The following EPHA3 variants were observed in gnomAD, a reference collection of about 807,000 sequenced individuals.
The protein encoded by EPHA3 is EPH receptor A3, also known as ephrin type-A receptor 3.
In EPHA3, 42 loss-of-function variants were observed where a neutral mutation model predicts 107.1. The ratio of observed to expected loss-of-function variants is 0.39; its 90% CI spans 0.31 to 0.51. EPHA3 has a LOEUF of 0.51. Among genes scored for constraint, EPHA3 ranks in the 20% least tolerant of loss-of-function variants. EPHA3 has a pLI of 0.78. For missense variants in EPHA3, 1,183 were observed against 1,211.2 expected (o/e 0.98, Z 0.35); for synonymous variants, 461 against 424.8 (o/e 1.09, Z -1.05).
chr3:89,119,213 G>A (rs1269783439), intron 1 of EPHA3, among the ~76,000 whole-genome samples: 1 of 152,008 alleles, frequency 6.6e-6, no homozygotes, highest in East Asian at 1.9e-4. Flanking sequence ...TACATTACAT[G>A]TGAGTGCATG....
chr3:89,410,812 C>A (rs996372616), intron 9 of EPHA3, among the ~76,000 whole-genome samples: 4 of 151,824 alleles, frequency 2.6e-5, no homozygotes, highest in African/African-American at 9.7e-5. Flanking sequence ...TTTCCTTAAT[C>A]TTAAAGAAGT....
At chr3:89,223,337 G>A (rs1232990837) in intron 3 of EPHA3, among the ~76,000 whole-genome samples, 2 of 152,114 alleles carry the variant, frequency 1.3e-5, no homozygotes, top group Non-Finnish European at 2.9e-5. Flanking sequence ...GTTGATGGTT[G>A]CTCTTATTAG....
chr3:89,211,820 CCTT>C (rs35975845), intron 3 of EPHA3, among the ~76,000 whole-genome samples: 1 of 95,428 alleles, frequency 1.0e-5, no homozygotes, highest in Admixed American at 9.9e-5. Context: ...TTCTTCTTCT[CCTT>C]CTCCTCCTCC....
At chr3:89,244,315 G>A (rs1704979889) in intron 3 of EPHA3, among the ~76,000 whole-genome samples, 1 of 151,952 alleles carries the variant, frequency 6.6e-6, no homozygotes, top group Admixed American at 6.6e-5. Flanking sequence ...TGTTGCTTAT[G>A]TGTTTAAACT....
intron 3 of EPHA3, among the ~76,000 whole-genome samples, chr3:89,305,088 T>C (rs1056895049): frequency 2.0e-5 from 3 of 152,202 alleles, no homozygotes; most frequent in Non-Finnish European, 4.4e-5. Flanking sequence ...GATCCATGAA[T>C]ATCTCCTGCA....
At chr3:89,370,582 C>T (rs1708280643) in intron 5 of EPHA3, among the ~76,000 whole-genome samples, 1 of 151,704 alleles carries the variant, frequency 6.6e-6, no homozygotes, top group African/African-American at 2.4e-5. Flanking sequence ...TGGTGCAGCA[C>T]ACCAGCATGG....
chr3:89,429,157 G>C lies in EPHA3; in HGVS notation c.2126G>C (p.Ser709Thr). Residue 709 changes from serine to threonine, a missense_variant, in exon 12 of 17, where the codon AGT (serine) becomes ACT (threonine). Ser to Thr is a moderately conservative substitution (Grantham distance 58). Coordinates refer to ENST00000336596, the MANE Select transcript of EPHA3 (RefSeq NM_005233.6). The stretch of plus-strand genomic sequence containing the variant: ...TACATGGAGAATGGTTCCTTGGATA[G>C]TTTCCTACGTGTAAGTAAGATGCAC... ...TEYMENGSLD[S>T]FLRKHDAQFT... 2 of 1,610,566 alleles carry C rather than the reference G, an allele frequency of 1.2e-6. No individual in the cohort carries two copies. The highest frequency in any genetic ancestry group is 1.1e-5 in the South Asian group (1 of 90,926).
chr3:89,363,762 C>A (rs1241006722), intron 5 of EPHA3, among the ~76,000 whole-genome samples: 1 of 150,550 alleles, frequency 6.6e-6, no homozygotes, highest in East Asian at 2.0e-4. Context: ...AAAGAAATGT[C>A]AAGATAAATT....
intron 3 of EPHA3, among the ~76,000 whole-genome samples, chr3:89,305,052 CTG>C (rs1229726571): frequency 3.9e-5 from 6 of 152,126 alleles, no homozygotes; most frequent in Admixed American, 6.6e-5. Context: ...TTATTTAAGA[CTG>C]TGTTGGCATA....
intron 2 of EPHA3, among the ~76,000 whole-genome samples, chr3:89,195,974 T>C (rs896424123): frequency 6.6e-6 from 1 of 152,112 alleles, no homozygotes; most frequent in Non-Finnish European, 1.5e-5. Flanking sequence ...AAGTAAAACT[T>C]GTCAGTCTTC....
intron 2 of EPHA3, among the ~76,000 whole-genome samples, chr3:89,199,370 T>C (rs1265692550): frequency 6.6e-6 from 1 of 152,190 alleles, no homozygotes; most frequent in African/African-American, 2.4e-5. Context: ...ACCTTTACAA[T>C]GCAAATTATA....
chr3:89,443,893 G>T (rs1203515021), intron 13 of EPHA3, among the ~76,000 whole-genome samples: 1 of 151,982 alleles, frequency 6.6e-6, no homozygotes, highest in Non-Finnish European at 1.5e-5. Context: ...GTTCAGATAA[G>T]AACTTTACCC....
In EPHA3 at chr3:89,359,814, T is replaced by G. The variant is rs1278169092; in HGVS notation, c.1306+17724T>G. The stretch of plus-strand genomic sequence containing the variant: ...ATACATATATACACATATATATACA[T>G]ATATATACATATATATATACATATA... On this transcript the variant is annotated intron_variant, in intron 5 of 16. Transcript: ENST00000336596. Among the ~76,000 whole-genome samples the G allele has an allele frequency of 2.1e-5, 3 of 143,494 alleles. No homozygotes were observed. The East Asian group carries it at 5.9e-4, about 28-fold the overall frequency. The allele number at this position is 143,494 out of a possible 152,430, so 94.1% of individuals were successfully genotyped here. A position where few individuals can be genotyped will look rare whatever the true frequency, so the allele number is the denominator to read the frequency against.
At chr3:89,197,537 A>G (rs537236979) in intron 2 of EPHA3, among the ~76,000 whole-genome samples, 12 of 152,322 alleles carry the variant, frequency 7.9e-5, no homozygotes, top group Non-Finnish European at 1.3e-4. Context: ...TTTAAAAAAG[A>G]TAATAGTGAA....
intron 5 of EPHA3, among the ~76,000 whole-genome samples, chr3:89,367,887 G>A (rs572871163): frequency 2.7e-5 from 4 of 150,648 alleles, no homozygotes; most frequent in East Asian, 2.0e-4. Context: ...CTACAGAATC[G>A]TTTATCTGTA....
chr3:89,397,580 C>CTT (rs35334618), intron 6 of EPHA3, among the ~76,000 whole-genome samples: 45 of 131,090 alleles, frequency 3.4e-4, no homozygotes, highest in East Asian at 4.3e-4. Flanking sequence ...GCATCATTGC[C>CTT]TTTTTTTTTT....
intron 5 of EPHA3, among the ~76,000 whole-genome samples, chr3:89,364,804 T>C (rs1708157594): frequency 6.6e-6 from 1 of 151,078 alleles, no homozygotes; most frequent in Non-Finnish European, 1.5e-5. Context: ...ACAGAGATTG[T>C]ACTTAAAACT....
intron 5 of EPHA3, among the ~76,000 whole-genome samples, chr3:89,356,618 A>G (rs1576333131): frequency 6.6e-6 from 1 of 151,240 alleles, no homozygotes; most frequent in African/African-American, 2.4e-5. Context: ...ATAATGCGTG[A>G]CAATCCTCAA....
At chr3:89,437,107 G>A (rs1213518642) in intron 13 of EPHA3, among the ~76,000 whole-genome samples, 3 of 152,076 alleles carry the variant, frequency 2.0e-5, no homozygotes, top group East Asian at 1.9e-4. Flanking sequence ...TCTATCTTGT[G>A]GACCCCTAAA....
Sources: gnomAD v4.1 joint callset for allele counts (sites outside exome capture counted in the v4.1 genomes callset) on GRCh38, gnomAD v4.1.1 for gene constraint, MANE v1.5 for transcripts, NCBI Gene and HGNC (gene_info 2026-07-23, HGNC 2026-07-21) for gene names.